Variants in SHROOM3 observed in about 807,000 individuals in gnomAD.
SHROOM3 encodes the protein shroom family member 3.
A neutral mutation model predicts 138.6 loss-of-function variants in SHROOM3; 47 were observed. That is an observed-to-expected ratio of 0.34 (90% CI 0.27 to 0.43). SHROOM3 has a LOEUF of 0.43. Among genes scored for constraint, SHROOM3 ranks in the 20% least tolerant of loss-of-function variants. The probability of loss-of-function intolerance (pLI) is 1.00; values close to 1 mark genes in which losing one functional copy is unlikely to be tolerated. For synonymous variants in SHROOM3, 1,062 were observed against 1,063.3 expected (o/e 1.00, Z 0.02); for missense variants, 2,491 against 2,596.5 (o/e 0.96, Z 0.88).
chr4:76,709,289 A>G lies in SHROOM3; in HGVS notation c.324-867A>G, dbSNP rs191651179. ...CCCACCAGTCAGATCTCAGAGGCTT[A>G]GAAAAATCCTTGAAGACAGAAATTG... is the stretch of plus-strand genomic sequence containing the variant. On this transcript the variant is annotated intron_variant, in intron 2 of 10. Transcript: ENST00000296043. 1.5e-4 allele frequency among the ~76,000 whole-genome samples: 23 copies of G among 152,326 alleles called. No homozygotes were observed. In the East Asian group the frequency reaches 4.3e-3, roughly 28 times the overall value.
At chr4:76,450,630 T>TTTAA (rs1482394844) in intron 1 of SHROOM3, among the ~76,000 whole-genome samples, 3 of 152,294 alleles carry the variant, frequency 2.0e-5, no homozygotes, top group Admixed American at 1.3e-4. Flanking sequence ...AAGGAACATA[T>TTTAA]TTAACTCCAC....
intron 1 of SHROOM3, among the ~76,000 whole-genome samples, chr4:76,514,295 A>G (rs1011156240): frequency 2.6e-5 from 4 of 152,222 alleles, no homozygotes; most frequent in African/African-American, 9.6e-5. Context: ...GTGGTATATC[A>G]ATATAATGGA....
intron 2 of SHROOM3, among the ~76,000 whole-genome samples, chr4:76,561,732 G>A (rs894871888): frequency 2.6e-5 from 4 of 151,082 alleles, no homozygotes; most frequent in East Asian, 3.9e-4. Context: ...AGACAAGGCC[G>A]GGCATGGTGG....
At chr4:76,658,330 A>G (rs1270155901) in intron 2 of SHROOM3, among the ~76,000 whole-genome samples, 1 of 152,210 alleles carries the variant, frequency 6.6e-6, no homozygotes, top group East Asian at 1.9e-4. Flanking sequence ...TAAAAATGGA[A>G]AATCAAAGGA....
At chr4:76,481,590 G>A (rs1364797377) in intron 1 of SHROOM3, among the ~76,000 whole-genome samples, 1 of 151,532 alleles carries the variant, frequency 6.6e-6, no homozygotes, top group Non-Finnish European at 1.5e-5. Context: ...CATTCCTTCT[G>A]AAACTATTCC....
chr4:76,458,291 A>C (rs955879083), intron 1 of SHROOM3, among the ~76,000 whole-genome samples: 1 of 152,182 alleles, frequency 6.6e-6, no homozygotes, highest in Admixed American at 6.5e-5. Flanking sequence ...TTTTTGACAA[A>C]ATTTGGGAGA....
intron 2 of SHROOM3, among the ~76,000 whole-genome samples, chr4:76,604,642 T>G (rs765594274): frequency 9.9e-5 from 15 of 152,242 alleles, no homozygotes; most frequent in Non-Finnish European, 2.1e-4. Flanking sequence ...TTAGAAATCA[T>G]TGTTTTTTAA....
chr4:76,756,668 T>A lies in SHROOM3; in HGVS notation c.4929T>A (p.Asp1643Glu). 6.2e-7 allele frequency: 1 copy of A among 1,613,994 alleles called. No homozygotes were observed. The highest frequency in any genetic ancestry group is 8.5e-7 in the Non-Finnish European group (1 of 1,179,990). The change falls in exon 8 of 11, where the codon GAT (aspartate) becomes GAA (glutamate). Residue 1643 changes from aspartate to glutamate, a missense_variant. Around this residue, in one of 4 missense-constraint regions of SHROOM3, gnomAD observed 470 missense variants for 595.0 expected, o/e 0.79. Transcript: ENST00000296043. The stretch of plus-strand genomic sequence containing the variant: ...TCCAGACTCAAAGCCTCAGCCATGA[T>A]CCAGTCAGTGGAACTCAGGGTTTAG... ...APIQTQSLSH[D>E]PVSGTQGLEK...
chr4:76,690,232 C>A (rs572882426), intron 2 of SHROOM3, among the ~76,000 whole-genome samples: 1 of 152,112 alleles, frequency 6.6e-6, no homozygotes, highest in Non-Finnish European at 1.5e-5. Context: ...ACCTGACGCT[C>A]GCTTTACTCC....
intron 1 of SHROOM3, among the ~76,000 whole-genome samples, chr4:76,475,347 T>G (rs2109984418): frequency 6.6e-6 from 1 of 152,308 alleles, no homozygotes; most frequent in African/African-American, 2.4e-5. Flanking sequence ...TATATTAGAA[T>G]AATTCACTAA....
chr4:76,465,053 A>G lies in SHROOM3; in HGVS notation c.168+28833A>G, dbSNP rs560202867. Among the ~76,000 whole-genome samples, 36 of 152,348 alleles carry G rather than the reference A, an allele frequency of 2.4e-4. No homozygotes were observed. The South Asian group carries it at 7.2e-3, about 31-fold the overall frequency. On this transcript the variant is annotated intron_variant, in intron 1 of 10. Transcript: ENST00000296043. ...CCTGAACTAGCATTCATTCACAACC[A>G]TTATATAGAATTCTTCAAGGATATA...
chr4:76,469,688 C>T (rs748500756), intron 1 of SHROOM3, among the ~76,000 whole-genome samples: 12 of 152,206 alleles, frequency 7.9e-5, no homozygotes, highest in Non-Finnish European at 1.3e-4. Context: ...AACTCCTGAG[C>T]TCAGGCAGTC....
chr4:76,586,139 T>C, intron 2 of SHROOM3: 1 of 574,844 alleles, frequency 1.7e-6, no homozygotes, highest in Non-Finnish European at 2.2e-6. Flanking sequence ...GACTTCCCCT[T>C]ACATCAGCGG....
chr4:76,674,785 G>A (rs1404801613), intron 2 of SHROOM3, among the ~76,000 whole-genome samples: 2 of 151,790 alleles, frequency 1.3e-5, no homozygotes, highest in African/African-American at 2.4e-5. Flanking sequence ...GAACTTCTGG[G>A]CTCAAGTGAT....
intron 5 of SHROOM3, 115 bp from the exon 6 acceptor site, chr4:76,748,902 G>T: frequency 3.5e-6 from 3 of 867,204 alleles, no homozygotes; most frequent in Non-Finnish European, 3.8e-6. Context: ...CACGTGGCCT[G>T]ACAATAGTAG....
At chr4:76,528,142 A>G (rs1732739464) in intron 1 of SHROOM3, among the ~76,000 whole-genome samples, 1 of 152,242 alleles carries the variant, frequency 6.6e-6, no homozygotes, top group Non-Finnish European at 1.5e-5. Context: ...TGTTGCAGGA[A>G]TAAATTTTTA....
At chr4:76,662,532 T>C (rs1200836904) in intron 2 of SHROOM3, among the ~76,000 whole-genome samples, 3 of 152,216 alleles carry the variant, frequency 2.0e-5, no homozygotes, top group African/African-American at 7.2e-5. Context: ...TATCTTAAGA[T>C]TCATTGACTT....
chr4:76,647,142 G>C (rs776530153), intron 2 of SHROOM3, among the ~76,000 whole-genome samples: 1 of 152,174 alleles, frequency 6.6e-6, no homozygotes, highest in Non-Finnish European at 1.5e-5. Context: ...TTAACGTTAA[G>C]TGAAATAAGC....
At position 76,473,232 on chromosome 4, in the gene SHROOM3, C is replaced by T. The variant is rs1395494283; in HGVS notation, c.168+37012C>T. On this transcript the variant is annotated intron_variant, in intron 1 of 10. Transcript: ENST00000296043. Reference sequence around the variant, plus strand: ...ACTATTGAGAAAGTAAAAATATAACCTATAGAATGCAAGAAAATATTTGTA... The same window carrying T: ...ACTATTGAGAAAGTAAAAATATAACTTATAGAATGCAAGAAAATATTTGTA... Among the ~76,000 whole-genome samples, 10 of 152,250 alleles carry T rather than the reference C, an allele frequency of 6.6e-5. No individual in the cohort carries two copies. In the East Asian group the frequency reaches 1.9e-3, roughly 29 times the overall value.
Sources: gnomAD v4.1 joint callset for allele counts (sites outside exome capture counted in the v4.1 genomes callset) on GRCh38, gnomAD v4.1.1 for gene constraint, gnomAD v4.1.1 regional missense constraint, MANE v1.5 for transcripts, NCBI Gene and HGNC (gene_info 2026-07-23, HGNC 2026-07-21) for gene names.